Variants in CTSB observed in about 807,000 individuals in gnomAD.
CTSB encodes APP secretase.
CTSB carries 57 observed loss-of-function variants against 44.3 expected under a neutral mutation model. The ratio of observed to expected loss-of-function variants is 1.29; its 90% CI spans 1.04 to 1.60. The LOEUF (loss-of-function observed/expected upper bound fraction) is 1.60. Among genes scored for constraint, CTSB ranks in the 40% most tolerant of loss-of-function variants. CTSB has a pLI of 0.00. For missense variants in CTSB, 768 were observed against 443.0 expected (o/e 1.73, Z -6.59); for synonymous variants, 320 against 168.0 (o/e 1.91, Z -7.00).
chr8:11,860,383 G>T (rs886249572), intron 1 of CTSB, among the ~76,000 whole-genome samples: 2 of 152,184 alleles, frequency 1.3e-5, no homozygotes, highest in East Asian at 3.9e-4. Context: ...AGCACTTTGG[G>T]AGGCCAAGGA....
intron 1 of CTSB, among the ~76,000 whole-genome samples, chr8:11,862,024 G>A (rs188295383): frequency 1.9e-3 from 288 of 152,176 alleles, no homozygotes; most frequent in Middle Eastern, 0.01. Flanking sequence ...TGGATAACAC[G>A]GTGAAACCCC....
intron 1 of CTSB, among the ~76,000 whole-genome samples, chr8:11,865,135 A>C (rs1816942267): frequency 6.6e-6 from 1 of 152,158 alleles, no homozygotes; most frequent in Non-Finnish European, 1.5e-5. Flanking sequence ...TGCCTCCCCT[A>C]GACTCAACTG....
chr8:11,864,163 G>T (rs1054797473), intron 1 of CTSB, among the ~76,000 whole-genome samples: 3 of 152,020 alleles, frequency 2.0e-5, no homozygotes, highest in African/African-American at 7.3e-5. Context: ...TTTATACACT[G>T]ATGCAGAGTT....
At position 11,844,939 on chromosome 8, in the gene CTSB, G is replaced by T; in HGVS notation, c.*186C>A. On this transcript the variant is annotated 3_prime_UTR_variant, in exon 10 of 10. Transcript: ENST00000353047. ...CTGGCAGCGGTGGCTCACATGGCCTGTCTGCACTGTAACCACAGGCTGGGA... is the reference window on the plus strand; with the variant it reads ...CTGGCAGCGGTGGCTCACATGGCCTTTCTGCACTGTAACCACAGGCTGGGA... The T allele has an allele frequency of 1.7e-6, 1 of 602,616 alleles. No individual in the cohort carries two copies. Among genetic ancestry groups the T allele is most frequent in the East Asian group, 2.8e-5 (1 of 36,034 alleles). The allele number at this position is 602,616 out of a possible 1,614,324, so 37.3% of individuals were successfully genotyped here. A position where few individuals can be genotyped will look rare whatever the true frequency, so the allele number is the denominator to read the frequency against.
chr8:11,848,830 C>G, intron 5 of CTSB: 1 of 478,032 alleles, frequency 2.1e-6, no homozygotes, highest in Middle Eastern at 6.0e-4. Flanking sequence ...TGCTGGGATG[C>G]CACCCCTCAG....
In CTSB at chr8:11,853,433, G is replaced by T. The variant is rs776968986; in HGVS notation, c.22C>A (p.Leu8Ile). MWQLWAS[L>I]CCLLVLANAR... ...TTGGCCAACACCAGCAGGCAGCAGAGGGAGGCCCAGAGCTGCCACATGTTG... is the reference window on the plus strand; with the variant it reads ...TTGGCCAACACCAGCAGGCAGCAGATGGAGGCCCAGAGCTGCCACATGTTG... The change falls in exon 2 of 10, where the codon CTC becomes ATC. Residue 8 changes from leucine (L) to isoleucine (I), a missense_variant. By Grantham distance (5) the Leu-to-Ile change is conservative. Transcript: ENST00000353047. 3.7e-6 allele frequency: 6 copies of T among 1,612,168 alleles called. No homozygotes were observed. Among genetic ancestry groups the T allele is most frequent in the Non-Finnish European group, 5.1e-6 (6 of 1,179,710 alleles).
intron 1 of CTSB, among the ~76,000 whole-genome samples, chr8:11,856,615 A>G (rs1477674578): frequency 6.6e-6 from 1 of 152,166 alleles, no homozygotes; most frequent in African/African-American, 2.4e-5. Flanking sequence ...AATAAAAGTA[A>G]AAAACCAACT....
Position 11,849,039 on chromosome 8 carries a change from G to C in CTSB, c.446+7C>G, listed in dbSNP as rs763724826. ...TAAACCCGCTGTGGAAGCACAGCCT[G>C]ACTCACCCGTCCCCACACATGCTGC... On this transcript the variant is annotated splice_region_variant and intron_variant, in intron 5 of 9. Transcript: ENST00000353047. 3.1e-6 allele frequency: 5 copies of C among 1,606,754 alleles called. No individual in the cohort carries two copies. The highest frequency in any genetic ancestry group is 1.1e-5 in the South Asian group (1 of 90,754).
intron 3 of CTSB, 21 bp from the exon 4 acceptor site, chr8:11,851,001 A>G (rs1814495868): frequency 6.3e-7 from 1 of 1,575,544 alleles, no homozygotes; most frequent in African/African-American, 1.3e-5. Context: ...GAAGGTCTTC[A>G]TTACAAGCTC....
At position 11,847,679 on chromosome 8, in the gene CTSB, C is replaced by T. The variant is rs755624038; in HGVS notation, c.676G>A (p.Gly226Arg). The T allele has an allele frequency of 7.7e-6, 12 of 1,549,180 alleles. No individual in the cohort carries two copies. Among genetic ancestry groups the T allele is most frequent in the African/African-American group, 2.8e-5 (2 of 72,374 alleles). ...CGTGGCCAGGCCCCAGGCCCCTTAC[C>T]GTAGTGCTTGTCCTGTTTGTAGGTC... Reference protein sequence around the residue: ...SPTYKQDKHYGYNSYSVSNSE... With the variant: ...SPTYKQDKHYRYNSYSVSNSE... Residue 226 changes from glycine to arginine, a missense_variant and splice_region_variant, in exon 7 of 10, where the codon GGA (glycine) becomes AGA (arginine). Coordinates refer to ENST00000353047, the MANE Select transcript of CTSB (RefSeq NM_001908.5).
At chr8:11,865,217 T>C (rs2150459145) in intron 1 of CTSB, among the ~76,000 whole-genome samples, 1 of 151,272 alleles carries the variant, frequency 6.6e-6, no homozygotes, top group African/African-American at 2.5e-5. Flanking sequence ...CAACCGCACA[T>C]GTTTCCAATA....
intron 1 of CTSB, chr8:11,855,072 G>C (rs1237247936): frequency 6.6e-6 from 1 of 152,440 alleles, no homozygotes; most frequent in Non-Finnish European, 1.5e-5. Flanking sequence ...CCCCAGGCTG[G>C]AGTGCAATGG....
intron 6 of CTSB, 49 bp from the exon 7 acceptor site, chr8:11,847,871 A>AAGACCTGGGGCGAGGC (rs1813727326): frequency 6.4e-7 from 1 of 1,552,808 alleles, no homozygotes; most frequent in Non-Finnish European, 8.7e-7. Context: ...CCCCACGGAG[A>AAGACCTGGGGCGAGGC]AGACCTGGGG....
chr8:11,847,178 G>C lies in CTSB; in HGVS notation c.677-10C>G, dbSNP rs183413463. On this transcript the variant is annotated splice_polypyrimidine_tract_variant and intron_variant, in intron 7 of 9. Coordinates refer to ENST00000353047, the MANE Select transcript of CTSB (RefSeq NM_001908.5). ...CTGTAGGAATTGTATCCTGGAAAAT[G>C]AACCGAGCTCGGGGTTGGGGAGGGC... The C allele has an allele frequency of 6.4e-5, 101 of 1,577,704 alleles. No individual in the cohort carries two copies. In the East Asian group the frequency reaches 1.8e-3, roughly 28 times the overall value.
In CTSB at chr8:11,844,775, C is replaced by T. The variant is rs962862169; in HGVS notation, c.*350G>A. The T allele has an allele frequency of 2.3e-5, 5 of 214,078 alleles. No individual in the cohort carries two copies. The highest frequency in any genetic ancestry group is 5.3e-5 in the Admixed American group (1 of 18,842). The allele number at this position is 214,078 out of a possible 1,614,324, so 13.3% of individuals were successfully genotyped here. Reference sequence around the variant, plus strand: ...GGGGAACTGATGGGGGAACTTTCATCCTGTTAGGAACTCCGCTTTCCATTC... The same window carrying T: ...GGGGAACTGATGGGGGAACTTTCATTCTGTTAGGAACTCCGCTTTCCATTC... On this transcript the variant is annotated 3_prime_UTR_variant, in exon 10 of 10. Coordinates refer to ENST00000353047, the MANE Select transcript of CTSB (RefSeq NM_001908.5).
intron 1 of CTSB, among the ~76,000 whole-genome samples, chr8:11,866,256 A>C (rs78221966): frequency 0.02 from 3,062 of 152,320 alleles, 53 homozygotes; most frequent in Middle Eastern, 0.054. Flanking sequence ...CTGCTAAATC[A>C]GCACCACATG....
At chr8:11,865,440 T>A (rs963987213) in intron 1 of CTSB, 1 of 151,966 alleles carries the variant, frequency 6.6e-6, no homozygotes, top group African/African-American at 2.4e-5. Flanking sequence ...AATAAAAAAA[T>A]TAGCTGAGTG....
rs6731 is a variant in CTSB, at chr8:11,842,592, T to G, written c.*2533A>C. 4 of 151,918 alleles carry G rather than the reference T, an allele frequency of 2.6e-5. No individual in the cohort carries two copies. Among genetic ancestry groups the G allele is most frequent in the African/African-American group, 9.7e-5 (4 of 41,322 alleles). The allele number at this position is 151,918 out of a possible 1,614,324, so 9.4% of individuals were successfully genotyped here. On this transcript the variant is annotated 3_prime_UTR_variant, in exon 10 of 10. Coordinates refer to ENST00000353047, the MANE Select transcript of CTSB (RefSeq NM_001908.5). ...ACTTGAAACTGGAAGGATAAGTGGTTATGAATTTGTGGCTTATGGTAACCT... is the reference window on the plus strand; with the variant it reads ...ACTTGAAACTGGAAGGATAAGTGGTGATGAATTTGTGGCTTATGGTAACCT...
chr8:11,846,458 G>A (rs1458857090), intron 8 of CTSB: 1 of 152,528 alleles, frequency 6.6e-6, no homozygotes, highest in South Asian at 2.1e-4. Context: ...TAATGGGATA[G>A]ATGCAGTCAG....
Sources: allele counts gnomAD v4.1 joint callset (sites outside exome capture counted in the v4.1 genomes callset), GRCh38; gene constraint gnomAD v4.1.1; transcripts MANE v1.5; gene names NCBI Gene and HGNC (gene_info 2026-07-23, HGNC 2026-07-21).